The following ARHGEF11 variants were observed in gnomAD, a reference collection of about 807,000 sequenced individuals.
ARHGEF11 encodes Rho guanine exchange factor (GEF) 11.
A neutral mutation model predicts 193.7 loss-of-function variants in ARHGEF11; 55 were observed. The ratio of observed to expected loss-of-function variants is 0.28; its 90% CI spans 0.23 to 0.36. The LOEUF is 0.36. Ranked by LOEUF, ARHGEF11 falls within the 10% of genes least tolerant of loss-of-function variation. The probability of loss-of-function intolerance (pLI) is 1.00; values close to 1 mark genes in which losing one functional copy is unlikely to be tolerated. For synonymous variants in ARHGEF11, 693 were observed against 768.0 expected (o/e 0.90, Z 1.62); for missense variants, 1,723 against 2,005.6 (o/e 0.86, Z 2.69).
At chr1:156,993,201 G>C (rs1666019032) in intron 1 of ARHGEF11, among the ~76,000 whole-genome samples, 1 of 152,094 alleles carries the variant, frequency 6.6e-6, no homozygotes, top group African/African-American at 2.4e-5. Context: ...GCATAGAGTT[G>C]GTGTGACTTC....
At chr1:157,029,864 TATC>T (rs1383458374) in intron 1 of ARHGEF11, among the ~76,000 whole-genome samples, 1 of 152,190 alleles carries the variant, frequency 6.6e-6, no homozygotes, top group East Asian at 1.9e-4. Context: ...ATCTTTAAAA[TATC>T]ATGCTAAGTG....
intron 19 of ARHGEF11, 130 bp downstream of exon 19, chr1:156,956,290 T>C: frequency 1.0e-6 from 1 of 953,230 alleles, no homozygotes; most frequent in Non-Finnish European, 1.6e-6. Context: ...CTAATTTTTG[T>C]ATTTTAATAG....
At position 156,935,374 on chromosome 1, in the gene ARHGEF11, C is replaced by T. The variant is rs1654868560; in HGVS notation, c.*626G>A. ...CAGGAACACTCAGGCCTGGCTCCCG[C>T]TTTAGGCTCGATCCTGGAACTGGGT... On this transcript the variant is annotated 3_prime_UTR_variant, in exon 41 of 41. Transcript: ENST00000368194. The T allele has an allele frequency of 6.6e-6, 1 of 152,180 alleles. No individual in the cohort carries two copies. The highest frequency in any genetic ancestry group is 2.1e-4 in the South Asian group (1 of 4,824). 9.4% of individuals were successfully genotyped at this position (152,180 alleles called of 1,614,324 possible).
intron 1 of ARHGEF11, among the ~76,000 whole-genome samples, chr1:157,011,995 A>T (rs1668601034): frequency 6.6e-6 from 1 of 152,230 alleles, no homozygotes; most frequent in African/African-American, 2.4e-5. Flanking sequence ...ACCCAAGAGA[A>T]GTGAAAAGTG....
chr1:157,013,705 C>A (rs765545261), intron 1 of ARHGEF11, among the ~76,000 whole-genome samples: 3 of 151,522 alleles, frequency 2.0e-5, no homozygotes, highest in African/African-American at 7.3e-5. Flanking sequence ...CATTTTGAAT[C>A]TTGACATTGC....
rs762076241 is a variant in ARHGEF11, at chr1:156,980,496, G to A, written c.224-10C>T. The A allele has an allele frequency of 5.7e-6, 9 of 1,588,974 alleles. No homozygotes were observed. The African/African-American group carries it at 1.2e-4, about 21-fold the overall frequency. Reference sequence around the variant, plus strand: ...TTCATGGCTGCACCTCCTGTAAGGAGAAGGCCTGGTCAGCAGTGCCCAACA... The same window carrying A: ...TTCATGGCTGCACCTCCTGTAAGGAAAAGGCCTGGTCAGCAGTGCCCAACA... On this transcript the variant is annotated splice_polypyrimidine_tract_variant and intron_variant, in intron 3 of 40. Coordinates refer to ENST00000368194, the MANE Select transcript of ARHGEF11 (RefSeq NM_198236.3).
At chr1:156,955,428 G>A (rs905126265) in intron 20 of ARHGEF11, among the ~76,000 whole-genome samples, 2 of 152,214 alleles carry the variant, frequency 1.3e-5, no homozygotes, top group African/African-American at 4.8e-5. Context: ...TTGCCGAGGG[G>A]AAATGTTTCT....
In ARHGEF11 at chr1:157,044,326, C is replaced by T. The variant is rs1331122319; in HGVS notation, c.5G>A (p.Ser2Asn). Residue 2 changes from serine (S) to asparagine (N), a missense_variant, in exon 1 of 41, where the codon AGT becomes AAT. Transcript: ENST00000368194. The part of the protein sequence containing the change: M[S>N]VRLPQSIDRL... ...GTCTATACTCTGGGGTAACCTTACA[C>T]TCATGGTTTCTCGGTGTCTCCACGG... is the stretch of plus-strand genomic sequence containing the variant. The T allele has an allele frequency of 6.2e-7, 1 of 1,613,694 alleles. No homozygotes were observed. The highest frequency in any genetic ancestry group is 1.3e-5 in the African/African-American group (1 of 74,816).
At chr1:157,019,059 G>C (rs1669643122) in intron 1 of ARHGEF11, among the ~76,000 whole-genome samples, 1 of 152,172 alleles carries the variant, frequency 6.6e-6, no homozygotes, top group Non-Finnish European at 1.5e-5. Context: ...GAAAATCTTA[G>C]TGGCTATGAA....
rs763414406 is a variant in ARHGEF11, at chr1:156,976,998, T to C, written c.567A>G (p.Glu189=). The C allele has an allele frequency of 3.7e-5, 60 of 1,614,140 alleles. No homozygotes were observed. The highest frequency in any genetic ancestry group is 2.8e-4 in the Admixed American group (17 of 60,030). The change falls in exon 7 of 41, where the codon GAA becomes GAG. Residue 189 remains glutamate, a synonymous_variant. Coordinates refer to ENST00000368194, the MANE Select transcript of ARHGEF11 (RefSeq NM_198236.3). The part of the protein sequence containing the change: ...TQILRNMLRQ[E]EKELQRICEV... ...GTGACCTTACCTGTAATTCTTTTTC[T>C]TCCTGCCTCAGCATATTCCTGAGGA...
chr1:156,969,260 G>A (rs752444275), intron 10 of ARHGEF11, 22 bp downstream of exon 10: 5 of 1,572,496 alleles, frequency 3.2e-6, no homozygotes, highest in Non-Finnish European at 4.3e-6. Flanking sequence ...TTCTGAATGG[G>A]CCTTGCCCTG....
chr1:157,012,631 T>C lies in ARHGEF11; in HGVS notation c.33-26458A>G, dbSNP rs900462444. Among the ~76,000 whole-genome samples the C allele has an allele frequency of 5.2e-5, 8 of 152,382 alleles. No homozygotes were observed. In the East Asian group the frequency reaches 9.6e-4, roughly 18 times the overall value. ...AGAAGACACTACTTTCCTTACTGTCTACTCTGAATGGGTAACTGTTGCCCA... is the reference window on the plus strand; with the variant it reads ...AGAAGACACTACTTTCCTTACTGTCCACTCTGAATGGGTAACTGTTGCCCA... On this transcript the variant is annotated intron_variant, in intron 1 of 40. Transcript: ENST00000368194.
chr1:156,969,507 C>G, intron 9 of ARHGEF11, 149 bp from the exon 10 acceptor site: 1 of 710,884 alleles, frequency 1.4e-6, no homozygotes, highest in South Asian at 1.8e-5. Flanking sequence ...ATCCCATGAC[C>G]TCTAGACTCG....
At chr1:157,011,193 T>G (rs575715128) in intron 1 of ARHGEF11, among the ~76,000 whole-genome samples, 24 of 152,256 alleles carry the variant, frequency 1.6e-4, no homozygotes, top group African/African-American at 5.8e-4. Context: ...ACATTTAGGG[T>G]CAATTCATTT....
At chr1:157,016,192 CA>C (rs1293695075) in intron 1 of ARHGEF11, among the ~76,000 whole-genome samples, 2 of 152,080 alleles carry the variant, frequency 1.3e-5, no homozygotes, top group Non-Finnish European at 1.5e-5. Flanking sequence ...CAGCGAGCAA[CA>C]AAAGGGAGCT....
chr1:156,945,245 C>T (rs1326358749), intron 29 of ARHGEF11, 48 bp from the exon 30 acceptor site: 1 of 1,580,296 alleles, frequency 6.3e-7, no homozygotes, highest in Non-Finnish European at 8.6e-7. Flanking sequence ...CCTGAGAAGT[C>T]CAACATGGCG....
At chr1:157,012,026 T>G (rs1159255882) in intron 1 of ARHGEF11, among the ~76,000 whole-genome samples, 1 of 152,136 alleles carries the variant, frequency 6.6e-6, no homozygotes, top group Non-Finnish European at 1.5e-5. Context: ...AACTTGTACA[T>G]GAAGGTTCAT....
In ARHGEF11 at chr1:157,030,935, TGCCCCC is replaced by T. The variant is rs1671229023; in HGVS notation, c.32+13358_32+13363del. ...TCCATTCTTCTCTTGCCATGAATTATGCCCCCGCCCCCGCCCTGGCCCACTTTAAAA... is the reference window on the plus strand; with the variant it reads ...TCCATTCTTCTCTTGCCATGAATTATGCCCCCGCCCTGGCCCACTTTAAAA... On this transcript the variant is annotated intron_variant, in intron 1 of 40. Coordinates refer to ENST00000368194, the MANE Select transcript of ARHGEF11 (RefSeq NM_198236.3). Among the ~76,000 whole-genome samples, 20 of 152,098 alleles carry T rather than the reference TGCCCCC, an allele frequency of 1.3e-4. No homozygotes were observed. In the South Asian group the frequency reaches 3.7e-3, roughly 28 times the overall value.
intron 22 of ARHGEF11, 95 bp downstream of exon 22, chr1:156,951,478 G>A (rs1659088839): frequency 6.5e-7 from 1 of 1,529,936 alleles, no homozygotes; most frequent in African/African-American, 1.4e-5. Context: ...GAAGCTAGTG[G>A]AGAGGGGTCA....
Sources: gnomAD v4.1 joint callset for allele counts (sites outside exome capture counted in the v4.1 genomes callset) on GRCh38, gnomAD v4.1.1 for gene constraint, MANE v1.5 for transcripts, NCBI Gene and HGNC (gene_info 2026-07-23, HGNC 2026-07-21) for gene names.